The following PRELID2 variants were observed in gnomAD, a reference collection of about 807,000 sequenced individuals.
PRELID2 encodes PRELI domain-containing protein 2.
Under a neutral mutation model 28.4 loss-of-function variants are expected in PRELID2, and 25 were observed. The observed-to-expected ratio is 0.88, with a 90% confidence interval of 0.64 to 1.23. The LOEUF (loss-of-function observed/expected upper bound fraction) is 1.23. Among genes scored for constraint, PRELID2 ranks in the 50% most tolerant of loss-of-function variants. The pLI, the probability that PRELID2 is intolerant of heterozygous loss-of-function variation, is 0.00. For synonymous variants in PRELID2, 76 were observed against 71.6 expected (o/e 1.06, Z -0.31); for missense variants, 201 against 214.4 (o/e 0.94, Z 0.39).
At chr5:145,572,831 C>T (rs530157258) in intron 1 of PRELID2, among the ~76,000 whole-genome samples, 1 of 152,236 alleles carries the variant, frequency 6.6e-6, no homozygotes, top group Admixed American at 6.5e-5. Flanking sequence ...TCTGGTTCTT[C>T]GTCTTCACTG....
intron 1 of PRELID2, among the ~76,000 whole-genome samples, chr5:145,614,604 T>G (rs1753668450): frequency 6.6e-6 from 1 of 152,200 alleles, no homozygotes; most frequent in Non-Finnish European, 1.5e-5. Flanking sequence ...GTAAAAGATG[T>G]TGAGTTCTTG....
At chr5:145,452,535 T>A in the PRELID2 span, among the ~76,000 whole-genome samples, 6 of 152,184 alleles carry the variant, frequency 3.9e-5, no homozygotes, top group Admixed American at 1.3e-4. Flanking sequence ...TCCCAGTTTT[T>A]ATTCTCTAAT....
the PRELID2 span, among the ~76,000 whole-genome samples, chr5:145,337,403 T>C: frequency 6.6e-6 from 1 of 151,496 alleles, no homozygotes; most frequent in East Asian, 2.0e-4. Flanking sequence ...AATAATTCAG[T>C]TCAATTCTGA....
At chr5:145,411,906 T>C in the PRELID2 span, among the ~76,000 whole-genome samples, 10 of 152,138 alleles carry the variant, frequency 6.6e-5, no homozygotes, top group African/African-American at 2.4e-4. Flanking sequence ...AGCCGCCAAA[T>C]ATGGGCTTTG....
chr5:145,797,744 C>G (rs1752863049), intron 4 of PRELID2, among the ~76,000 whole-genome samples: 1 of 152,002 alleles, frequency 6.6e-6, no homozygotes, highest in Non-Finnish European at 1.5e-5. Context: ...CTGTATGAAG[C>G]CAGTCCATAA....
At chr5:145,388,765 A>G in the PRELID2 span, among the ~76,000 whole-genome samples, 1 of 152,066 alleles carries the variant, frequency 6.6e-6, no homozygotes, top group Non-Finnish European at 1.5e-5. Context: ...TTCTTGACTC[A>G]GGGCAAAGCT....
intron 1 of PRELID2, among the ~76,000 whole-genome samples, chr5:145,493,134 A>G (rs1322156637): frequency 1.7e-5 from 2 of 119,824 alleles, no homozygotes; most frequent in African/African-American, 2.7e-5. Flanking sequence ...GCTCTTGTGA[A>G]GGTATTTTCA....
At chr5:145,279,211 A>G in the PRELID2 span, among the ~76,000 whole-genome samples, 1 of 152,198 alleles carries the variant, frequency 6.6e-6, no homozygotes, top group Non-Finnish European at 1.5e-5. Context: ...AAAAACTGCA[A>G]TAACATTTGC....
At chr5:145,797,798 A>G (rs749945987) in intron 4 of PRELID2, among the ~76,000 whole-genome samples, 8 of 151,980 alleles carry the variant, frequency 5.3e-5, no homozygotes, top group Non-Finnish European at 1.0e-4. Flanking sequence ...AAACCTCAAC[A>G]AAAGATCACA....
At chr5:145,418,894 A>T in the PRELID2 span, among the ~76,000 whole-genome samples, 1 of 138,032 alleles carries the variant, frequency 7.2e-6, no homozygotes, top group Non-Finnish European at 1.5e-5. Context: ...CCCACCCCAC[A>T]ACAGTCCCCA....
At chr5:145,798,711 A>T (rs1280295651) in intron 4 of PRELID2, among the ~76,000 whole-genome samples, 1 of 152,218 alleles carries the variant, frequency 6.6e-6, no homozygotes, top group Non-Finnish European at 1.5e-5. Context: ...GGATTAGTTC[A>T]TGTCCTTTGC....
the PRELID2 span, among the ~76,000 whole-genome samples, chr5:145,363,042 G>T: frequency 7.2e-6 from 1 of 139,070 alleles, no homozygotes; most frequent in Non-Finnish European, 1.5e-5. Context: ...CTCCACCATA[G>T]AGATTAATTA....
the PRELID2 span, among the ~76,000 whole-genome samples, chr5:145,365,368 A>G: frequency 4.6e-5 from 7 of 151,936 alleles, no homozygotes; most frequent in East Asian, 1.3e-3. Flanking sequence ...AAAACATCAC[A>G]TTGTACCTCA....
chr5:145,236,060 T>A, the PRELID2 span, among the ~76,000 whole-genome samples: 1 of 152,124 alleles, frequency 6.6e-6, no homozygotes, highest in Non-Finnish European at 1.5e-5. Flanking sequence ...CAGATTTCCA[T>A]AGGTTCTGTC....
intron 1 of PRELID2, among the ~76,000 whole-genome samples, chr5:145,750,009 C>G (rs977837871): frequency 2.0e-5 from 3 of 151,592 alleles, no homozygotes; most frequent in African/African-American, 7.3e-5. Context: ...TGGGTTGATA[C>G]GTGCAGCAAA....
the PRELID2 span, among the ~76,000 whole-genome samples, chr5:145,293,866 T>C: frequency 6.6e-6 from 1 of 152,160 alleles, no homozygotes; most frequent in Non-Finnish European, 1.5e-5. Context: ...TCAGGAATTA[T>C]CTCAACTGCA....
chr5:145,323,518 C>T, the PRELID2 span, among the ~76,000 whole-genome samples: 2 of 152,114 alleles, frequency 1.3e-5, no homozygotes, highest in Non-Finnish European at 2.9e-5. Flanking sequence ...TATTATATAG[C>T]TAAATTGCAT....
chr5:145,560,179 C>T (rs1224192059), intron 1 of PRELID2, among the ~76,000 whole-genome samples: 3 of 152,200 alleles, frequency 2.0e-5, no homozygotes, highest in African/African-American at 7.2e-5. Flanking sequence ...ACAGCTTCTA[C>T]TGAACGTGTC....
At position 145,482,296 on chromosome 5, in the gene PRELID2, C is replaced by T. The variant is rs187624003; in HGVS notation, n.71-8981G>A. Among the ~76,000 whole-genome samples, 33 of 152,288 alleles carry T rather than the reference C, an allele frequency of 2.2e-4. No homozygotes were observed. The East Asian group carries it at 6.0e-3, about 28-fold the overall frequency. On this transcript the variant is annotated intron_variant and non_coding_transcript_variant, in intron 1 of 2. Coordinates refer to the PRELID2 transcript ENST00000510259. ...AGCAAGGGAGAATGAAAAATGTCTG[C>T]TTGTGTATTCAGAAAGGAAAAACAA...
Sources: gnomAD v4.1 joint callset for allele counts (sites outside exome capture counted in the v4.1 genomes callset) on GRCh38, gnomAD v4.1.1 for gene constraint, MANE v1.5 for transcripts, NCBI Gene and HGNC (gene_info 2026-07-23, HGNC 2026-07-21) for gene names.